The following THOC2 variants were observed in gnomAD, a reference collection of about 807,000 sequenced individuals.
THOC2 encodes the protein THO complex 2.
Under a neutral mutation model 128.4 loss-of-function variants are expected in THOC2, and 10 were observed. That is an observed-to-expected ratio of 0.08 (90% CI 0.05 to 0.13). The LOEUF (loss-of-function observed/expected upper bound fraction) is 0.13. Ranked by LOEUF, THOC2 falls within the 10% of genes least tolerant of loss-of-function variation. The pLI, the probability that THOC2 is intolerant of heterozygous loss-of-function variation, is 1.00. For synonymous variants in THOC2, 393 were observed against 396.9 expected (o/e 0.99, Z 0.12); for missense variants, 535 against 1,155.7 (o/e 0.46, Z 7.79).
chrX:123,668,375 AAGG>A, intron 9 of THOC2, 61 bp from the exon 10 acceptor site: 1 of 754,948 alleles, frequency 1.3e-6, no homozygotes, highest in Non-Finnish European at 1.9e-6. Flanking sequence ...TTCATATAAA[AAGG>A]AAACACTATT....
At chrX:123,609,084 G>A (rs1312920859) in intron 38 of THOC2, among the ~76,000 whole-genome samples, 3 of 112,275 alleles carry the variant, frequency 2.7e-5, no homozygotes, top group Non-Finnish European at 5.6e-5. Context: ...AAATCACTGT[G>A]AAAGTTGTCA....
intron 1 of THOC2, among the ~76,000 whole-genome samples, chrX:123,725,189 G>A (rs2051896084): frequency 9.0e-6 from 1 of 111,368 alleles, no homozygotes; most frequent in African/African-American, 3.3e-5. Flanking sequence ...CCTTACAAAT[G>A]GTAAGCTGGT....
At chrX:123,691,902 TA>T (rs1425546481) in intron 7 of THOC2, among the ~76,000 whole-genome samples, 3 of 112,515 alleles carry the variant, frequency 2.7e-5, no homozygotes, top group Non-Finnish European at 5.6e-5. Flanking sequence ...AATAACATTT[TA>T]TTGGCACACA....
intron 22 of THOC2, among the ~76,000 whole-genome samples, chrX:123,629,031 GCCATATT>G (rs1371293313): frequency 2.7e-5 from 3 of 109,476 alleles, no homozygotes; most frequent in Non-Finnish European, 5.7e-5. Context: ...ACAGAGGAAT[GCCATATT>G]CTTAATTGTA....
At chrX:123,719,944 AAAT>A (rs1425646049) in intron 1 of THOC2, among the ~76,000 whole-genome samples, 1 of 110,338 alleles carries the variant, frequency 9.1e-6, no homozygotes, top group Non-Finnish European at 1.9e-5. Flanking sequence ...CAAAAATAAA[AAAT>A]AATAAGCCTG....
At chrX:123,651,825 A>C (rs778132854) in intron 12 of THOC2, among the ~76,000 whole-genome samples, 1 of 109,605 alleles carries the variant, frequency 9.1e-6, no homozygotes, top group Non-Finnish European at 1.9e-5. Flanking sequence ...ACAACCAAAA[A>C]AGGCCCAGGA....
At chrX:123,674,780 T>G (rs2049419104) in intron 8 of THOC2, among the ~76,000 whole-genome samples, 1 of 111,388 alleles carries the variant, frequency 9.0e-6, no homozygotes, top group African/African-American at 3.3e-5. Context: ...CTAGTTTGAA[T>G]TAATACCAAC....
chrX:123,671,815 A>G, intron 8 of THOC2, 54 bp from the exon 9 acceptor site: 1 of 737,868 alleles, frequency 1.4e-6, no homozygotes, highest in Non-Finnish European at 2.0e-6. Context: ...CAATTAAAGC[A>G]ATATCCTTCA....
Position 123,668,279 on chromosome X carries a change from G to C in THOC2, c.897C>G (p.His299Gln), listed in dbSNP as rs1052675186. The C allele has an allele frequency of 8.4e-7, 1 of 1,197,365 alleles. No homozygotes were observed. The change falls in exon 10 of 39, where the codon CAC becomes CAG. Residue 299 changes from histidine (H) to glutamine (Q), a missense_variant. Physicochemically the swap from His to Gln is conservative, Grantham distance 24 (BLOSUM62 0). Around this residue, in one of 9 missense-constraint regions of THOC2, gnomAD observed 197 missense variants for 313.4 expected, o/e 0.63. Transcript: ENST00000245838. ...GCTTAGCTTCCGCAATTTCTCGTTTGTGTTCATCCATAATGCAATTATCAG... is the reference window on the plus strand; with the variant it reads ...GCTTAGCTTCCGCAATTTCTCGTTTCTGTTCATCCATAATGCAATTATCAG... ...LPADNCIMDE[H>Q]KREIAEAKQI...
rs186023567 is a variant in THOC2, at chrX:123,641,947, A to T, written c.1662-1325T>A. ...AATCATATTGTTTAAGCCTGGTAAA[A>T]TAGTTATAGCTTACAAATATAACAA... On this transcript the variant is annotated intron_variant, in intron 15 of 38. Coordinates refer to ENST00000245838, the MANE Select transcript of THOC2 (RefSeq NM_001081550.2). Among the ~76,000 whole-genome samples, 214 of 112,358 alleles carry T rather than the reference A, an allele frequency of 1.9e-3. 1 individual carries two copies. The highest frequency in any genetic ancestry group is 6.7e-3 in the African/African-American group (207 of 30,996).
At chrX:123,717,867 T>A (rs1390105397) in intron 1 of THOC2, among the ~76,000 whole-genome samples, 1 of 112,562 alleles carries the variant, frequency 8.9e-6, no homozygotes, top group Non-Finnish European at 1.9e-5. Context: ...CCCTTATATA[T>A]GGCATATATA....
intron 38 of THOC2, among the ~76,000 whole-genome samples, chrX:123,605,576 A>G (rs1481676083): frequency 9.0e-6 from 1 of 111,279 alleles, no homozygotes; most frequent in Non-Finnish European, 1.9e-5. Context: ...TTTAATCAGT[A>G]TAGGTTCCCT....
intron 15 of THOC2, 81 bp downstream of exon 15, chrX:123,644,494 G>A (rs2048048724): frequency 1.4e-6 from 1 of 709,503 alleles, no homozygotes; most frequent in South Asian, 3.2e-5. Flanking sequence ...CCAAAACTGA[G>A]GCTCAGACAA....
At chrX:123,649,175 G>A (rs1187293749) in intron 12 of THOC2, among the ~76,000 whole-genome samples, 4 of 112,335 alleles carry the variant, frequency 3.6e-5, no homozygotes, top group Non-Finnish European at 7.5e-5. Flanking sequence ...CAGGCAAACA[G>A]GGTCTGGAGT....
At chrX:123,692,896 C>A (rs2050284589) in intron 7 of THOC2, among the ~76,000 whole-genome samples, 1 of 111,593 alleles carries the variant, frequency 9.0e-6, no homozygotes, top group Non-Finnish European at 1.9e-5. Context: ...TGTATACTGC[C>A]CAAACTAGGT....
rs755492926 is a variant in THOC2, at chrX:123,621,465, G to A, written c.3908C>T (p.Pro1303Leu). 5 of 1,210,455 alleles carry A rather than the reference G, an allele frequency of 4.1e-6. No individual in the cohort carries two copies. Among genetic ancestry groups the A allele is most frequent in the Non-Finnish European group, 4.5e-6 (4 of 895,126 alleles). The part of the protein sequence containing the change: ...RVLGKDGKEK[P>L]KEERPNKDEK... ...ATCTTTATTTGGCCGCTCTTCCTTT[G>A]GTTTTTCTTTACCATCTTTACCAAG... The change falls in exon 31 of 39, where the codon CCA becomes CTA. Residue 1303 changes from proline (P) to leucine (L), a missense_variant. Physicochemically the swap from Pro to Leu is moderately conservative, Grantham distance 98. Coordinates refer to ENST00000245838, the MANE Select transcript of THOC2 (RefSeq NM_001081550.2).
At chrX:123,680,811 C>T (rs771390988) in intron 8 of THOC2, among the ~76,000 whole-genome samples, 2 of 111,832 alleles carry the variant, frequency 1.8e-5, no homozygotes, top group Non-Finnish European at 3.8e-5. Flanking sequence ...TCAGAATAGT[C>T]CTTAACTCTA....
intron 12 of THOC2, among the ~76,000 whole-genome samples, chrX:123,649,364 G>T (rs1442566559): frequency 9.0e-6 from 1 of 111,490 alleles, no homozygotes; most frequent in East Asian, 2.8e-4. Flanking sequence ...AGCACAAAAA[G>T]GCTGAAAATT....
intron 21 of THOC2, among the ~76,000 whole-genome samples, chrX:123,632,489 C>CAAAA (rs11324625): frequency 1.1e-3 from 38 of 35,139 alleles, no homozygotes; most frequent in Non-Finnish European, 1.7e-3. Context: ...GGCTTTGTCT[C>CAAAA]AAAAAAAAAA....
Sources: allele counts gnomAD v4.1 joint callset (sites outside exome capture counted in the v4.1 genomes callset), GRCh38; gene constraint gnomAD v4.1.1; regional missense constraint gnomAD v4.1.1; transcripts MANE v1.5; gene names NCBI Gene and HGNC (gene_info 2026-07-23, HGNC 2026-07-21).